EEF2K: variants seen among roughly 807,000 people sequenced by gnomAD.
EEF2K encodes alternative protein EEF2K.
Under a neutral mutation model 93.8 loss-of-function variants are expected in EEF2K, and 70 were observed. The observed-to-expected ratio is 0.75, with a 90% confidence interval of 0.62 to 0.91. The LOEUF is 0.91. Ranked by LOEUF, EEF2K falls within the 40% of genes least tolerant of loss-of-function variation. The pLI, the probability that EEF2K is intolerant of heterozygous loss-of-function variation, is 0.00. For synonymous variants in EEF2K, 376 were observed against 380.8 expected (o/e 0.99, Z 0.15); for missense variants, 935 against 972.9 (o/e 0.96, Z 0.52).
chr16:22,244,771 A>G (rs770737903), intron 3 of EEF2K, 41 bp downstream of exon 3: 7 of 1,602,404 alleles, frequency 4.4e-6, no homozygotes, highest in South Asian at 1.1e-5. Flanking sequence ...CCTGGGGGCT[A>G]TACGTCCAGC....
intron 1 of EEF2K, among the ~76,000 whole-genome samples, chr16:22,214,125 C>T (rs9936495): frequency 0.11 from 17,163 of 152,132 alleles, 1,164 homozygotes; most frequent in East Asian, 0.28. Context: ...GACATAACAG[C>T]AGCTAGTACT....
chr16:22,263,665 A>C (rs777594317), intron 12 of EEF2K, among the ~76,000 whole-genome samples: 2 of 152,256 alleles, frequency 1.3e-5, no homozygotes, highest in Non-Finnish European at 2.9e-5. Flanking sequence ...AAGATAAAAC[A>C]GGATCATGTG....
intron 2 of EEF2K, among the ~76,000 whole-genome samples, chr16:22,226,507 CCTT>C (rs1363085530): frequency 7.0e-5 from 8 of 114,732 alleles, no homozygotes; most frequent in Admixed American, 8.4e-5. Context: ...TCTTTCTTTT[CCTT>C]CTTCTTCTTT....
At chr16:22,220,818 C>G (rs1175227107) in intron 1 of EEF2K, among the ~76,000 whole-genome samples, 1 of 152,210 alleles carries the variant, frequency 6.6e-6, no homozygotes, top group Non-Finnish European at 1.5e-5. Context: ...TCTGGCCCTC[C>G]TCCTGGCACT....
At chr16:22,271,288 G>A (rs2047579281) in intron 15 of EEF2K, among the ~76,000 whole-genome samples, 1 of 151,954 alleles carries the variant, frequency 6.6e-6, no homozygotes, top group Non-Finnish European at 1.5e-5. Flanking sequence ...GAATCTCTAT[G>A]CTCATTCAGC....
At chr16:22,243,751 G>A (rs556509727) in intron 2 of EEF2K, among the ~76,000 whole-genome samples, 52 of 150,644 alleles carry the variant, frequency 3.5e-4, no homozygotes, top group African/African-American at 1.1e-3. Context: ...ACGAAACCCC[G>A]TCTCTACCAA....
At chr16:22,264,190 G>A (rs575582384) in intron 12 of EEF2K, among the ~76,000 whole-genome samples, 1 of 148,758 alleles carries the variant, frequency 6.7e-6, no homozygotes, top group South Asian at 2.1e-4. Flanking sequence ...TACTCAGGAA[G>A]CCGAGGCATG....
At position 22,266,724 on chromosome 16, in the gene EEF2K, C is replaced by A; in HGVS notation, c.1612C>A (p.Arg538Ser). 6.2e-7 allele frequency: 1 copy of A among 1,613,372 alleles called. No individual in the cohort carries two copies. The highest frequency in any genetic ancestry group is 8.5e-7 in the Non-Finnish European group (1 of 1,179,658). ...LAMVRYHEGG[R>S]FCEKGEEWDQ... ...CATGGTGCGCTACCACGAGGGTGGGCGCTTCTGCGAGAAGGGCGAGGAGTG... is the reference window on the plus strand; with the variant it reads ...CATGGTGCGCTACCACGAGGGTGGGAGCTTCTGCGAGAAGGGCGAGGAGTG... Residue 538 changes from arginine to serine, a missense_variant, in exon 15 of 18, where the codon CGC (arginine) becomes AGC (serine). By Grantham distance (110) the Arg-to-Ser change is moderately radical. Transcript: ENST00000263026.
rs796372592 is a variant in EEF2K, at chr16:22,277,192, G to A, written c.1890-3006G>A. Among the ~76,000 whole-genome samples the A allele has an allele frequency of 5.9e-5, 9 of 152,220 alleles. 1 individual carries two copies. Among genetic ancestry groups the A allele is most frequent in the Middle Eastern group, 6.8e-3 (2 of 294 alleles). On this transcript the variant is annotated intron_variant, in intron 16 of 17. Coordinates refer to ENST00000263026, the MANE Select transcript of EEF2K (RefSeq NM_013302.5). ...TGCTCTGTCACCCAGGCTAGAGTGC[G>A]ATGGTGTAATCATAGCTCACTGTAG...
At position 22,225,738 on chromosome 16, in the gene EEF2K, C is replaced by A. The variant is rs751118481; in HGVS notation, c.9C>A (p.Asp3Glu). ...ACGGGCACCCCAGGAACATGGCAGA[C>A]GAAGATCTCATCTTCCGCCTGGAAG... MADEDLIFRLEGV... is the reference protein window; with the variant it reads MAEEDLIFRLEGV... The change falls in exon 2 of 18, where the codon GAC (aspartate) becomes GAA (glutamate). Residue 3 changes from aspartate to glutamate, a missense_variant. Transcript: ENST00000263026. The A allele has an allele frequency of 6.2e-7, 1 of 1,613,996 alleles. No individual in the cohort carries two copies. The highest frequency in any genetic ancestry group is 8.5e-7 in the Non-Finnish European group (1 of 1,179,966).
intron 1 of EEF2K, among the ~76,000 whole-genome samples, chr16:22,208,501 G>A (rs2046885427): frequency 6.6e-6 from 1 of 152,238 alleles, no homozygotes; most frequent in African/African-American, 2.4e-5. Flanking sequence ...CTGCACTCTA[G>A]ACTGGGCAAC....
chr16:22,259,422 A>G (rs2047440883), intron 10 of EEF2K, among the ~76,000 whole-genome samples: 1 of 152,236 alleles, frequency 6.6e-6, no homozygotes, highest in Non-Finnish European at 1.5e-5. Context: ...ACATTAAAGA[A>G]GCCCTTTAGA....
At chr16:22,270,331 G>C (rs2047566253) in intron 15 of EEF2K, among the ~76,000 whole-genome samples, 1 of 151,760 alleles carries the variant, frequency 6.6e-6, no homozygotes. Context: ...TACCATGTTG[G>C]CCAGGCTGGT....
intron 2 of EEF2K, among the ~76,000 whole-genome samples, chr16:22,235,843 G>A (rs2047162521): frequency 6.6e-6 from 1 of 152,166 alleles, no homozygotes; most frequent in African/African-American, 2.4e-5. Flanking sequence ...TGTTGCCCAG[G>A]CTGGAGTGCA....
At chr16:22,237,223 G>C (rs753223927) in intron 2 of EEF2K, among the ~76,000 whole-genome samples, 1 of 151,610 alleles carries the variant, frequency 6.6e-6, no homozygotes, top group Non-Finnish European at 1.5e-5. Context: ...AGGATTACAG[G>C]CATGAGCCAC....
chr16:22,244,560 G>A, intron 2 of EEF2K, 70 bp from the exon 3 acceptor site: 1 of 1,443,280 alleles, frequency 6.9e-7, no homozygotes, highest in Non-Finnish European at 9.7e-7. Context: ...CAGGGCAGGA[G>A]GAGTCCACGC....
At chr16:22,255,672 G>C (rs946815978) in intron 6 of EEF2K, among the ~76,000 whole-genome samples, 9 of 152,176 alleles carry the variant, frequency 5.9e-5, no homozygotes, top group Admixed American at 4.6e-4. Context: ...TGGAAGACAA[G>C]AGGATTGCTT....
chr16:22,223,913 A>G (rs1413561868), intron 1 of EEF2K, among the ~76,000 whole-genome samples: 1 of 152,108 alleles, frequency 6.6e-6, no homozygotes, highest in East Asian at 1.9e-4. Context: ...TGTGCTACAG[A>G]AAGTGCTTTT....
intron 2 of EEF2K, among the ~76,000 whole-genome samples, chr16:22,240,195 GCAAT>G (rs2047208324): frequency 6.6e-6 from 1 of 151,854 alleles, no homozygotes; most frequent in Admixed American, 6.6e-5. Flanking sequence ...ACAACAGGGA[GCAAT>G]CAGTGACAAG....
Sources: gnomAD v4.1 joint callset for allele counts (sites outside exome capture counted in the v4.1 genomes callset) on GRCh38, gnomAD v4.1.1 for gene constraint, MANE v1.5 for transcripts, NCBI Gene and HGNC (gene_info 2026-07-23, HGNC 2026-07-21) for gene names.